PRKG1: variants seen among roughly 807,000 people sequenced by gnomAD.
PRKG1 encodes cGMP-dependent protein kinase 1.
Under a neutral mutation model 88.1 loss-of-function variants are expected in PRKG1, and 35 were observed. The observed-to-expected ratio is 0.40, with a 90% CI of 0.30 to 0.53. The LOEUF is 0.53. Ranked by LOEUF, PRKG1 falls within the 20% of genes least tolerant of loss-of-function variation. PRKG1 has a pLI of 0.59. For synonymous variants in PRKG1, 303 were observed against 292.5 expected, an observed-to-expected ratio of 1.04 and a Z score of -0.37; for missense variants, 540 against 839.8, an observed-to-expected ratio of 0.64 and a Z score of 4.41.
At chr10:51,995,554 G>T (rs186445245) in intron 5 of PRKG1, among the ~76,000 whole-genome samples, 311 of 151,012 alleles carry the variant, frequency 2.1e-3, no homozygotes, top group Admixed American at 4.9e-3. Context: ...ATGTTAAATT[G>T]TGTGTGTGTG....
intron 2 of PRKG1, among the ~76,000 whole-genome samples, chr10:51,390,964 G>A (rs889805187): frequency 2.0e-5 from 3 of 152,162 alleles, no homozygotes; most frequent in Non-Finnish European, 4.4e-5. Flanking sequence ...AAAACCCTGC[G>A]CAAAGATAAT....
intron 3 of PRKG1, among the ~76,000 whole-genome samples, chr10:51,549,120 C>CTTTTCT (rs71459423): frequency 2.8e-5 from 2 of 70,326 alleles, no homozygotes; most frequent in African/African-American, 5.6e-5. Context: ...CTTTTCTTTT[C>CTTTTCT]TTTTTTTTTT....
In PRKG1 at chr10:51,208,607, A is replaced by G. The variant is rs142318031; in HGVS notation, c.478+55277A>G. Among the ~76,000 whole-genome samples the G allele has an allele frequency of 5.9e-5, 9 of 152,328 alleles. No individual in the cohort carries two copies. In the East Asian group the frequency reaches 7.7e-4, roughly 13 times the overall value. ...TTGGATAATGGGAAGGGGACTTCAA[A>G]ATGCAAAAGGCTTAGTGGAGTTTGA... On this transcript the variant is annotated intron_variant, in intron 2 of 17. Transcript: ENST00000373980.
chr10:51,148,903 C>T (rs531571497), intron 1 of PRKG1, among the ~76,000 whole-genome samples: 1 of 152,048 alleles, frequency 6.6e-6, no homozygotes, highest in African/African-American at 2.4e-5. Context: ...AAATCATACC[C>T]CTTTTTATAG....
chr10:51,956,822 C>A (rs1185715243), intron 5 of PRKG1, among the ~76,000 whole-genome samples: 1 of 151,982 alleles, frequency 6.6e-6, no homozygotes, highest in Non-Finnish European at 1.5e-5. Context: ...CCATGTAAAT[C>A]ATCAAATTCT....
intron 3 of PRKG1, among the ~76,000 whole-genome samples, chr10:51,565,175 A>G (rs1247613428): frequency 6.6e-6 from 1 of 151,856 alleles, no homozygotes; most frequent in African/African-American, 2.4e-5. Context: ...GCCCTCTCAA[A>G]TTGGGATACA....
chr10:51,262,787 C>T (rs1486954056), intron 2 of PRKG1, among the ~76,000 whole-genome samples: 1 of 152,106 alleles, frequency 6.6e-6, no homozygotes, highest in Admixed American at 6.5e-5. Flanking sequence ...GGGGGAAGTG[C>T]CCACACTTTG....
At chr10:52,175,993 G>A (rs532013914) in intron 9 of PRKG1, among the ~76,000 whole-genome samples, 1 of 152,022 alleles carries the variant, frequency 6.6e-6, no homozygotes, top group East Asian at 1.9e-4. Flanking sequence ...AAGCCTTTCA[G>A]ACTGATATAA....
At chr10:51,048,626 C>T (rs1034808620) in intron 1 of PRKG1, among the ~76,000 whole-genome samples, 34 of 152,172 alleles carry the variant, frequency 2.2e-4, no homozygotes, top group African/African-American at 7.5e-4. Flanking sequence ...GCTTTCCTTA[C>T]ATTAGCTGGG....
At position 52,161,891 on chromosome 10, in the gene PRKG1, CTT is replaced by C. The variant is rs1455024034; in HGVS notation, c.1007_1008del (p.Phe336Ter). ...ACTGTGCTTTTTTCGTCTGACAGCT[CTT>C]TTAAACATTTGATTGGAGGGCTGGA... is the stretch of plus-strand genomic sequence containing the variant. On this transcript the variant is annotated frameshift_variant, in exon 9 of 18. Coordinates refer to ENST00000373980, the MANE Select transcript of PRKG1 (RefSeq NM_006258.4). LOFTEE classifies it high-confidence loss of function. 3 of 1,612,512 alleles carry C rather than the reference CTT, an allele frequency of 1.9e-6. No homozygotes were observed. Among genetic ancestry groups the C allele is most frequent in the Non-Finnish European group, 2.5e-6 (3 of 1,179,250 alleles).
intron 4 of PRKG1, among the ~76,000 whole-genome samples, chr10:51,805,936 A>G (rs1839294081): frequency 6.6e-6 from 1 of 152,186 alleles, no homozygotes; most frequent in Admixed American, 6.5e-5. Context: ...AGAGGTAGAA[A>G]TGTAAATTCC....
intron 7 of PRKG1, among the ~76,000 whole-genome samples, chr10:52,108,701 C>A (rs1049845158): frequency 6.6e-6 from 1 of 152,080 alleles, no homozygotes; most frequent in East Asian, 1.9e-4. Context: ...TACAAAAAAA[C>A]CTGTCTTTTG....
At chr10:52,263,429 C>T (rs1460485728) in intron 10 of PRKG1, among the ~76,000 whole-genome samples, 1 of 152,052 alleles carries the variant, frequency 6.6e-6, no homozygotes, top group Non-Finnish European at 1.5e-5. Context: ...GTATAATTTA[C>T]ATACCATAAA....
At chr10:51,964,623 T>C (rs1395205591) in intron 5 of PRKG1, among the ~76,000 whole-genome samples, 1 of 152,144 alleles carries the variant, frequency 6.6e-6, no homozygotes, top group East Asian at 1.9e-4. Context: ...CCCAAGAAAC[T>C]AGAATATACT....
At chr10:51,853,997 G>A (rs955200191) in intron 4 of PRKG1, among the ~76,000 whole-genome samples, 24 of 152,052 alleles carry the variant, frequency 1.6e-4, no homozygotes, top group African/African-American at 5.8e-4. Flanking sequence ...TCAAAAAACA[G>A]CAATTGTTTC....
intron 2 of PRKG1, among the ~76,000 whole-genome samples, chr10:51,315,812 G>A (rs1485959002): frequency 2.6e-5 from 4 of 152,188 alleles, no homozygotes; most frequent in Admixed American, 6.5e-5. Context: ...TATATAGTGA[G>A]CATTTCAGTC....
intron 7 of PRKG1, among the ~76,000 whole-genome samples, chr10:52,120,033 CAGAG>C (rs1847783088): frequency 6.6e-6 from 1 of 150,876 alleles, no homozygotes; most frequent in Non-Finnish European, 1.5e-5. Context: ...GGCAGAGAGA[CAGAG>C]AGAGGGAGAC....
At position 51,742,716 on chromosome 10, in the gene PRKG1, G is replaced by A. The variant is rs978817740; in HGVS notation, c.593-61869G>A. On this transcript the variant is annotated intron_variant, in intron 3 of 17. Coordinates refer to ENST00000373980, the MANE Select transcript of PRKG1 (RefSeq NM_006258.4). ...AACTAATTCCAGGTGTAAAGGTGTAGTATGGGTTTATGTATGTTGGCCGGG... is the reference window on the plus strand; with the variant it reads ...AACTAATTCCAGGTGTAAAGGTGTAATATGGGTTTATGTATGTTGGCCGGG... 5.9e-5 allele frequency among the ~76,000 whole-genome samples: 9 copies of A among 152,268 alleles called. No individual in the cohort carries two copies. The East Asian group carries it at 1.4e-3, about 23-fold the overall frequency.
At chr10:51,503,978 G>C (rs1165155838) in intron 3 of PRKG1, among the ~76,000 whole-genome samples, 1 of 152,096 alleles carries the variant, frequency 6.6e-6, no homozygotes, top group African/African-American at 2.4e-5. Context: ...TTCATTCACT[G>C]TTGTTTGATT....
Sources: gnomAD v4.1 joint callset for allele counts (sites outside exome capture counted in the v4.1 genomes callset) on GRCh38, gnomAD v4.1.1 for gene constraint, MANE v1.5 for transcripts, NCBI Gene and HGNC (gene_info 2026-07-23, HGNC 2026-07-21) for gene names.